ATF7IP2: variants seen among roughly 807,000 people sequenced by gnomAD.
ATF7IP2 encodes the protein activating transcription factor 7-interacting protein 2.
In ATF7IP2, 42 loss-of-function variants were observed where a neutral mutation model predicts 64.2. The ratio of observed to expected loss-of-function variants is 0.65; its 90% CI spans 0.51 to 0.85. The LOEUF (loss-of-function observed/expected upper bound fraction) is 0.85. Ranked by LOEUF, ATF7IP2 falls within the 40% of genes least tolerant of loss-of-function variation. The probability of loss-of-function intolerance (pLI) is 0.00; values close to 1 mark genes in which losing one functional copy is unlikely to be tolerated. For missense variants in ATF7IP2, 933 were observed against 784.2 expected (o/e 1.19, Z -2.27); for synonymous variants, 308 against 272.8 (o/e 1.13, Z -1.27).
intron 8 of ATF7IP2, among the ~76,000 whole-genome samples, chr16:10,456,066 G>T (rs1044646902): frequency 6.6e-6 from 1 of 151,710 alleles, no homozygotes; most frequent in African/African-American, 2.4e-5. Flanking sequence ...TGCAACATCC[G>T]CCTCCTGGGT....
chr16:10,391,244 C>G (rs2047316242), intron 1 of ATF7IP2, among the ~76,000 whole-genome samples: 2 of 151,572 alleles, frequency 1.3e-5, no homozygotes, highest in Admixed American at 6.6e-5. Flanking sequence ...TTGCTGGAGC[C>G]CAGAAGTTCA....
At chr16:10,424,006 ATATT>A (rs947333785) in intron 3 of ATF7IP2, among the ~76,000 whole-genome samples, 3 of 152,372 alleles carry the variant, frequency 2.0e-5, no homozygotes, top group African/African-American at 7.2e-5. Flanking sequence ...TTTTACCCAC[ATATT>A]TATTGATAGC....
At chr16:10,391,851 G>A (rs1212243191) in intron 1 of ATF7IP2, among the ~76,000 whole-genome samples, 2 of 151,476 alleles carry the variant, frequency 1.3e-5, no homozygotes, top group Non-Finnish European at 2.9e-5. Flanking sequence ...AGCTGAGATC[G>A]TGCCACTGCC....
At chr16:10,453,216 C>T (rs969178167) in intron 8 of ATF7IP2, among the ~76,000 whole-genome samples, 1 of 152,170 alleles carries the variant, frequency 6.6e-6, no homozygotes, top group Admixed American at 6.5e-5. Flanking sequence ...GCCGTGGTAG[C>T]ATAGGCACCG....
intron 12 of ATF7IP2, 137 bp from the exon 13 acceptor site, chr16:10,480,742 A>G (rs2050190133): frequency 1.4e-6 from 1 of 699,172 alleles, no homozygotes; most frequent in African/African-American, 1.8e-5. Context: ...TTTAATTAAA[A>G]GTGTATCTTC....
chr16:10,392,756 A>G (rs902994904), intron 1 of ATF7IP2, among the ~76,000 whole-genome samples: 17 of 152,012 alleles, frequency 1.1e-4, no homozygotes, highest in South Asian at 8.3e-4. Context: ...TGGGAGGCCA[A>G]TGCAGGAGGA....
chr16:10,434,798 T>G, intron 6 of ATF7IP2, among the ~76,000 whole-genome samples: 1 of 151,790 alleles, frequency 6.6e-6, no homozygotes, highest in African/African-American at 2.4e-5. Context: ...AAGTAAGTTT[T>G]TGTTTGTTTG....
In ATF7IP2 at chr16:10,430,771, CAG is replaced by C. The variant is rs763940776; in HGVS notation, c.154_155del (p.Ser52PhefsTer4). On this transcript the variant is annotated frameshift_variant, in exon 5 of 14. Coordinates refer to ENST00000562102, the MANE Select transcript of ATF7IP2 (RefSeq NM_001393719.1). LOFTEE classifies it high-confidence loss of function. ...TGGGAGTAATGTTCCAAGCGGTAATCAGAGTTTCAGTCCTAGTGTCATAACTA... is the reference window on the plus strand; with the variant it reads ...TGGGAGTAATGTTCCAAGCGGTAATCAGTTTCAGTCCTAGTGTCATAACTA... ...AIGSNVPSGN[Q>X]SFSPSVITRT... is the part of the protein sequence containing the mutation. 1.2e-6 allele frequency: 2 copies of C among 1,607,736 alleles called. No homozygotes were observed. Among genetic ancestry groups the C allele is most frequent in the South Asian group, 2.2e-5 (2 of 90,616 alleles).
chr16:10,473,444 T>G (rs746819486), intron 10 of ATF7IP2, 35 bp from the exon 11 acceptor site: 1 of 1,274,404 alleles, frequency 7.8e-7, no homozygotes, highest in East Asian at 2.3e-5. Context: ...ATAAATATTG[T>G]GTAATAAATT....
Position 10,433,568 on chromosome 16 carries a change from T to G in ATF7IP2, c.879T>G (p.Asn293Lys). ...KKRMFSENEENVKRMKTSEQI... is the reference protein window; with the variant it reads ...KKRMFSENEEKVKRMKTSEQI... ...GGATGTTTTCAGAAAACGAGGAAAATGTTAAACGCATGAAAACTTCAGAGC... is the reference window on the plus strand; with the variant it reads ...GGATGTTTTCAGAAAACGAGGAAAAGGTTAAACGCATGAAAACTTCAGAGC... Residue 293 changes from asparagine to lysine, a missense_variant, in exon 6 of 14, where the codon AAT (asparagine) becomes AAG (lysine). Coordinates refer to ENST00000562102, the MANE Select transcript of ATF7IP2 (RefSeq NM_001393719.1). The G allele has an allele frequency of 1.2e-6, 2 of 1,613,342 alleles. No individual in the cohort carries two copies. The highest frequency in any genetic ancestry group is 1.1e-5 in the South Asian group (1 of 91,062).
In ATF7IP2 at chr16:10,405,534, A is replaced by G. The variant is rs192814512; in HGVS notation, c.-241-9040A>G. Among the ~76,000 whole-genome samples, 364 of 152,318 alleles carry G rather than the reference A, an allele frequency of 2.4e-3. 1 individual carries two copies. Among genetic ancestry groups the G allele is most frequent in the Non-Finnish European group, 4.0e-3 (273 of 68,030 alleles). Reference sequence around the variant, plus strand: ...ACATTCCACAGGGGCTTGGGCCGTGAGAAACATCCTGCCTAACCACCTGAC... The same window carrying G: ...ACATTCCACAGGGGCTTGGGCCGTGGGAAACATCCTGCCTAACCACCTGAC... On this transcript the variant is annotated intron_variant, in intron 1 of 13. Coordinates refer to ENST00000562102, the MANE Select transcript of ATF7IP2 (RefSeq NM_001393719.1).
Position 10,459,105 on chromosome 16 carries a change from G to A in ATF7IP2, c.1352+1576G>A, listed in dbSNP as rs1273408721. On this transcript the variant is annotated intron_variant, in intron 9 of 13. Transcript: ENST00000562102. The stretch of plus-strand genomic sequence containing the variant: ...TCCCAGCTCTTTGGGAGGCCGAGGC[G>A]GGCAGATCACCTGAGGTCGGGAGTT... 1.5e-4 allele frequency among the ~76,000 whole-genome samples: 23 copies of A among 151,812 alleles called. No individual in the cohort carries two copies. In the East Asian group the frequency reaches 3.3e-3, roughly 22 times the overall value.
intron 1 of ATF7IP2, among the ~76,000 whole-genome samples, chr16:10,396,520 T>C (rs758304864): frequency 6.6e-6 from 1 of 152,178 alleles, no homozygotes; most frequent in Non-Finnish European, 1.5e-5. Flanking sequence ...GTCTTACATA[T>C]AAGTTTGTTT....
chr16:10,452,803 G>GGC (rs2049029055), intron 8 of ATF7IP2, among the ~76,000 whole-genome samples: 1 of 152,172 alleles, frequency 6.6e-6, no homozygotes, highest in Non-Finnish European at 1.5e-5. Context: ...AATCTAGAGA[G>GGC]GCAGTCTGGC....
At chr16:10,388,673 A>G (rs2047256710) in intron 1 of ATF7IP2, among the ~76,000 whole-genome samples, 1 of 152,210 alleles carries the variant, frequency 6.6e-6, no homozygotes, top group African/African-American at 2.4e-5. Context: ...TTCATTAAAC[A>G]GCATTAAAAC....
At chr16:10,402,887 G>A (rs1288078661) in intron 1 of ATF7IP2, among the ~76,000 whole-genome samples, 2 of 140,962 alleles carry the variant, frequency 1.4e-5, no homozygotes, top group South Asian at 2.4e-4. Context: ...CAGCCTCAAC[G>A]ACACAGCGAG....
Position 10,435,254 on chromosome 16 carries a change from A to G in ATF7IP2, c.960+1605A>G, listed in dbSNP as rs148741570. ...CTACTGAAGGAGTCCTGCAGTGATC[A>G]TTTCTTAGCCTTTTGAGGTTTCATA... On this transcript the variant is annotated intron_variant, in intron 6 of 13. Coordinates refer to ENST00000562102, the MANE Select transcript of ATF7IP2 (RefSeq NM_001393719.1). Among the ~76,000 whole-genome samples, 35 of 152,310 alleles carry G rather than the reference A, an allele frequency of 2.3e-4. No homozygotes were observed. In the East Asian group the frequency reaches 6.6e-3, roughly 29 times the overall value.
chr16:10,455,473 T>C (rs1349175117), intron 8 of ATF7IP2, among the ~76,000 whole-genome samples: 5 of 152,208 alleles, frequency 3.3e-5, no homozygotes, highest in African/African-American at 1.2e-4. Context: ...AAAGCTGTGA[T>C]AAAATAAGTC....
intron 8 of ATF7IP2, among the ~76,000 whole-genome samples, chr16:10,442,827 G>A (rs962702788): frequency 6.6e-6 from 1 of 152,128 alleles, no homozygotes; most frequent in African/African-American, 2.4e-5. Context: ...TAGTATAACT[G>A]ACAAATTGTT....
Sources: gnomAD v4.1 joint callset for allele counts (sites outside exome capture counted in the v4.1 genomes callset) on GRCh38, gnomAD v4.1.1 for gene constraint, MANE v1.5 for transcripts, NCBI Gene and HGNC (gene_info 2026-07-23, HGNC 2026-07-21) for gene names.